The following IARS1 variants were observed in gnomAD, a reference collection of about 807,000 sequenced individuals.
The protein encoded by IARS1 is isoleucine--tRNA ligase, cytoplasmic.
Under a neutral mutation model 168.2 loss-of-function variants are expected in IARS1, and 124 were observed. The observed-to-expected ratio is 0.74, with a 90% CI of 0.64 to 0.86. The LOEUF is 0.86. Ranked by LOEUF, IARS1 falls within the 40% of genes least tolerant of loss-of-function variation. The pLI, the probability that IARS1 is intolerant of heterozygous loss-of-function variation, is 0.00. For synonymous variants in IARS1, 532 were observed against 529.4 expected, an observed-to-expected ratio of 1.00 and a Z score of -0.07; for missense variants, 1,452 against 1,515.8, an observed-to-expected ratio of 0.96 and a Z score of 0.70.
At chr9:92,234,957 C>T (rs1827266937) in intron 30 of IARS1, among the ~76,000 whole-genome samples, 4 of 152,088 alleles carry the variant, frequency 2.6e-5, no homozygotes, top group Middle Eastern at 6.8e-3. Context: ...GATTCTCCTG[C>T]CTCAGCCTCC....
At chr9:92,213,077 TAG>T (rs1202938873) in intron 33 of IARS1, among the ~76,000 whole-genome samples, 2 of 152,042 alleles carry the variant, frequency 1.3e-5, no homozygotes, top group African/African-American at 4.8e-5. Context: ...AATAGAGCTT[TAG>T]TATTTAACAT....
chr9:92,251,859 GAC>G lies in IARS1; in HGVS notation c.2254_2255del (p.Val752HisfsTer8). ...LKGENGMEDC[V>X]MALETLFSVL... The stretch of plus-strand genomic sequence containing the variant: ...CACTAAACAAGGTTTCTAGGGCCAT[GAC>G]ACAATCCTCCATCCCATTTTCACCC... On this transcript the variant is annotated frameshift_variant, in exon 22 of 34. Transcript: ENST00000443024. LOFTEE classifies it high-confidence loss of function. The G allele has an allele frequency of 1.2e-6, 2 of 1,613,510 alleles. No individual in the cohort carries two copies. Among genetic ancestry groups the G allele is most frequent in the South Asian group, 2.2e-5 (2 of 91,056 alleles).
At chr9:92,268,439 T>G in intron 13 of IARS1, 139 bp from the exon 14 acceptor site, 1 of 796,850 alleles carries the variant, frequency 1.3e-6, no homozygotes, top group Non-Finnish European at 2.0e-6. Context: ...AAAGAGAATG[T>G]CTTCTAAATG....
chr9:92,293,409 T>C, intron 1 of IARS1: 1 of 529,532 alleles, frequency 1.9e-6, no homozygotes, highest in Non-Finnish European at 3.9e-6. Context: ...TGTATATCAT[T>C]TTAAAAAGAT....
Position 92,235,022 on chromosome 9 carries a change from C to T in IARS1, c.3283+5834G>A, listed in dbSNP as rs559230382. Among the ~76,000 whole-genome samples, 12 of 152,008 alleles carry T rather than the reference C, an allele frequency of 7.9e-5. 1 individual carries two copies. The East Asian group carries it at 1.7e-3, about 22-fold the overall frequency. On this transcript the variant is annotated intron_variant, in intron 30 of 33. Transcript: ENST00000443024. ...TCACACCTAATTCTTTATATTTTTTCGACAGGGTTTCACCATGTTGGCCGG... is the reference window on the plus strand; with the variant it reads ...TCACACCTAATTCTTTATATTTTTTTGACAGGGTTTCACCATGTTGGCCGG...
Position 92,260,122 on chromosome 9 carries a change from T to C in IARS1, c.1871+29A>G, listed in dbSNP as rs775857518. On this transcript the variant is annotated intron_variant, in intron 18 of 33. Coordinates refer to ENST00000443024, the MANE Select transcript of IARS1 (RefSeq NM_002161.6). ...GATGCTTACATAAAAAAACAATAGA[T>C]ACACACAAGGCAAAGCACTGGTTTG... 5 of 1,467,114 alleles carry C rather than the reference T, an allele frequency of 3.4e-6. No individual in the cohort carries two copies. In the South Asian group the frequency reaches 4.6e-5, roughly 13 times the overall value. The allele number at this position is 1,467,114 out of a possible 1,614,324, so 90.9% of individuals were successfully genotyped here.
At position 92,250,293 on chromosome 9, in the gene IARS1, A is replaced by C. The variant is rs1237076056; in HGVS notation, c.2430-4T>G. The C allele has an allele frequency of 6.5e-7, 1 of 1,538,266 alleles. No homozygotes were observed. Among genetic ancestry groups the C allele is most frequent in the South Asian group, 1.1e-5 (1 of 89,610 alleles). ...TTTCTTGTCAATCAATTCTTCTCTG[A>C]GTGGTAGAGGTAGGAATATGAAAGA... is the stretch of plus-strand genomic sequence containing the variant. On this transcript the variant is annotated splice_polypyrimidine_tract_variant and splice_region_variant and intron_variant, in intron 23 of 33. Coordinates refer to ENST00000443024, the MANE Select transcript of IARS1 (RefSeq NM_002161.6).
At chr9:92,282,868 T>C (rs1025892609) in intron 6 of IARS1, among the ~76,000 whole-genome samples, 3 of 148,856 alleles carry the variant, frequency 2.0e-5, no homozygotes, top group Admixed American at 1.3e-4. Flanking sequence ...ATATTTTTTT[T>C]TTTTGAGACA....
At chr9:92,217,629 G>C (rs2133355765) in intron 33 of IARS1, among the ~76,000 whole-genome samples, 1 of 151,670 alleles carries the variant, frequency 6.6e-6, no homozygotes, top group East Asian at 1.9e-4. Context: ...ACTACCATCA[G>C]AGAATACTAC....
At chr9:92,229,177 A>T (rs1355643189) in intron 30 of IARS1, 51 bp from the exon 31 acceptor site, 1 of 1,586,764 alleles carries the variant, frequency 6.3e-7, no homozygotes, top group East Asian at 2.2e-5. Flanking sequence ...AACTAAAAAG[A>T]AAATGTTACA....
chr9:92,252,921 G>A (rs1830223937), intron 21 of IARS1, among the ~76,000 whole-genome samples: 1 of 151,944 alleles, frequency 6.6e-6, no homozygotes, highest in Non-Finnish European at 1.5e-5. Context: ...CCTATGCTCT[G>A]CTCATCCTAA....
chr9:92,226,922 C>G (rs1440971188), intron 31 of IARS1, among the ~76,000 whole-genome samples: 8 of 140,070 alleles, frequency 5.7e-5, no homozygotes, highest in Admixed American at 4.4e-4. Flanking sequence ...GAACAAAGGT[C>G]TCTGGTTTTC....
At chr9:92,267,519 T>C (rs1832451751) in intron 14 of IARS1, among the ~76,000 whole-genome samples, 1 of 152,024 alleles carries the variant, frequency 6.6e-6, no homozygotes, top group South Asian at 2.1e-4. Flanking sequence ...ACCATGCCTG[T>C]CTAATTTAAC....
intron 33 of IARS1, among the ~76,000 whole-genome samples, chr9:92,212,568 C>G (rs1837939507): frequency 6.6e-6 from 1 of 152,192 alleles, no homozygotes; most frequent in Non-Finnish European, 1.5e-5. Flanking sequence ...CTTGCAAGAA[C>G]AAGTGAGAGA....
intron 12 of IARS1, among the ~76,000 whole-genome samples, chr9:92,270,214 G>T (rs914486885): frequency 1.3e-5 from 2 of 152,166 alleles, no homozygotes; most frequent in African/African-American, 4.8e-5. Context: ...AAATAGTTCT[G>T]CTAGTGACAA....
intron 30 of IARS1, among the ~76,000 whole-genome samples, chr9:92,233,835 C>T (rs942587690): frequency 3.3e-5 from 5 of 152,168 alleles, no homozygotes; most frequent in African/African-American, 9.7e-5. Flanking sequence ...GATCATGGCT[C>T]ACTGCAGCCT....
chr9:92,265,074 G>A lies in IARS1; in HGVS notation c.1555C>T (p.Arg519Cys), dbSNP rs754905369. ...CAACAGTCAAACACTTCAGAGATGC[G>A]GTGCAAGGATCCCTTCCCACAGCGT... The part of the protein sequence containing the change: ...PSRCGKGSLH[R>C]ISEVFDCWFE... The change falls in exon 16 of 34, where the codon CGC becomes TGC. Residue 519 changes from arginine to cysteine, a missense_variant. By Grantham distance (180) the Arg-to-Cys change is radical. Coordinates refer to ENST00000443024, the MANE Select transcript of IARS1 (RefSeq NM_002161.6). 3.1e-6 allele frequency: 5 copies of A among 1,614,062 alleles called. 1 individual carries two copies. The highest frequency in any genetic ancestry group is 4.5e-5 in the East Asian group (2 of 44,876).
At position 92,262,868 on chromosome 9, in the gene IARS1, C is replaced by A. The variant is rs953942928; in HGVS notation, c.1787+101G>T. 1.0e-5 allele frequency: 8 copies of A among 789,304 alleles called. No homozygotes were observed. The Admixed American group carries it at 1.6e-4, about 16-fold the overall frequency. 48.9% of individuals were successfully genotyped at this position (789,304 alleles called of 1,614,324 possible). On this transcript the variant is annotated intron_variant, in intron 17 of 33. Transcript: ENST00000443024. ...TTCTTGAGAAACAGTGGAGACAAAG[C>A]TCCACCTGTCACTACAACAAAGTTG...
In IARS1 at chr9:92,243,215, C is replaced by A; in HGVS notation, c.3000+1G>T. 1 of 1,611,720 alleles carries A rather than the reference C, an allele frequency of 6.2e-7. No individual in the cohort carries two copies. The highest frequency in any genetic ancestry group is 8.5e-7 in the Non-Finnish European group (1 of 1,178,008). The stretch of plus-strand genomic sequence containing the variant: ...AGCTTATTCTTAACTGACAAACTAA[C>A]CTTTTTGCGAAGTTTCTGTATGCGA... On this transcript the variant is annotated splice_donor_variant, in intron 28 of 33. Coordinates refer to ENST00000443024, the MANE Select transcript of IARS1 (RefSeq NM_002161.6). LOFTEE classifies it high-confidence loss of function.
Sources: allele counts gnomAD v4.1 joint callset (sites outside exome capture counted in the v4.1 genomes callset), GRCh38; gene constraint gnomAD v4.1.1; transcripts MANE v1.5; gene names NCBI Gene and HGNC (gene_info 2026-07-23, HGNC 2026-07-21).